Variants in PNLIPRP3 observed in about 807,000 individuals in gnomAD.
PNLIPRP3 encodes the protein pancreatic lipase-related protein 3.
Under a neutral mutation model 52.8 loss-of-function variants are expected in PNLIPRP3, and 58 were observed. The ratio of observed to expected loss-of-function variants is 1.10; its 90% CI spans 0.89 to 1.37. The LOEUF is 1.37. Ranked by LOEUF, PNLIPRP3 falls within the 40% of genes most tolerant of loss-of-function variation. PNLIPRP3 has a pLI of 0.00. For missense variants in PNLIPRP3, 593 were observed against 561.6 expected (o/e 1.06, Z -0.57); for synonymous variants, 192 against 185.0 (o/e 1.04, Z -0.31).
intron 5 of PNLIPRP3, among the ~76,000 whole-genome samples, chr10:116,457,837 A>G (rs575413566): frequency 6.6e-6 from 1 of 152,306 alleles, no homozygotes; most frequent in Admixed American, 6.5e-5. Flanking sequence ...ATTTAACTCT[A>G]GTTTTTCCCA....
rs772840300 is a variant in PNLIPRP3, at chr10:116,436,723, G to T, written c.62G>T (p.Cys21Phe). ...CTTTCTGCTGCAGGAAAAGAAGTTT[G>T]CTATGAAAGGTTAGGGTGTTTCAAA... ...FFGTSRGKEV[C>F]YERLGCFKDG... The change falls in exon 2 of 12, where the codon TGC becomes TTC. Residue 21 changes from cysteine (C) to phenylalanine (F), a missense_variant. Transcript: ENST00000369230. 25 of 1,608,858 alleles carry T rather than the reference G, an allele frequency of 1.6e-5. No homozygotes were observed. Among genetic ancestry groups the T allele is most frequent in the Non-Finnish European group, 1.9e-5 (22 of 1,177,004 alleles).
intron 1 of PNLIPRP3, among the ~76,000 whole-genome samples, chr10:116,429,312 A>T (rs1845677717): frequency 6.6e-6 from 1 of 152,190 alleles, no homozygotes; most frequent in Non-Finnish European, 1.5e-5. Flanking sequence ...TATTGTGTAT[A>T]TGCAAACATT....
At chr10:116,448,292 A>G (rs546126134) in intron 4 of PNLIPRP3, among the ~76,000 whole-genome samples, 54 of 152,334 alleles carry the variant, frequency 3.5e-4, no homozygotes, top group Admixed American at 9.1e-4. Flanking sequence ...TGATGTGAAC[A>G]AGTAAAAGTG....
chr10:116,440,594 G>C (rs1395349835), intron 2 of PNLIPRP3, among the ~76,000 whole-genome samples: 1 of 152,136 alleles, frequency 6.6e-6, no homozygotes, highest in Non-Finnish European at 1.5e-5. Flanking sequence ...AAACAAATCA[G>C]AAATTAACTC....
chr10:116,459,287 A>C (rs185507314), intron 5 of PNLIPRP3, among the ~76,000 whole-genome samples: 1 of 151,866 alleles, frequency 6.6e-6, no homozygotes, highest in Non-Finnish European at 1.5e-5. Context: ...AAAATAAAAA[A>C]AAAAAAAAAC....
chr10:116,469,815 G>A (rs1846337798), intron 9 of PNLIPRP3, among the ~76,000 whole-genome samples: 1 of 152,076 alleles, frequency 6.6e-6, no homozygotes, highest in Non-Finnish European at 1.5e-5. Context: ...GGAGAGGTTG[G>A]GCTTTGTCTG....
At chr10:116,439,089 T>C (rs1845820945) in intron 2 of PNLIPRP3, among the ~76,000 whole-genome samples, 1 of 152,188 alleles carries the variant, frequency 6.6e-6, no homozygotes, top group African/African-American at 2.4e-5. Context: ...AAAACAGTTC[T>C]GGAGAAAGAT....
At chr10:116,439,587 T>C in intron 2 of PNLIPRP3, 2 of 805,406 alleles carry the variant, frequency 2.5e-6, no homozygotes, top group Non-Finnish European at 4.3e-6. Context: ...AGCAACATCC[T>C]TCTCATACTT....
intron 2 of PNLIPRP3, among the ~76,000 whole-genome samples, chr10:116,442,155 A>C: frequency 6.6e-6 from 1 of 152,220 alleles, no homozygotes; most frequent in East Asian, 1.9e-4. Context: ...AGAATTGCTT[A>C]TACTTGTGCC....
intron 7 of PNLIPRP3, among the ~76,000 whole-genome samples, chr10:116,462,768 A>C (rs1301670579): frequency 6.6e-6 from 1 of 152,206 alleles, no homozygotes; most frequent in Non-Finnish European, 1.5e-5. Flanking sequence ...AGACTTCATT[A>C]CATAATTAAT....
At chr10:116,469,161 T>C (rs1285264718) in intron 8 of PNLIPRP3, 24 bp from the exon 9 acceptor site, 1 of 1,603,652 alleles carries the variant, frequency 6.2e-7, no homozygotes. Context: ...ACATAAGTAA[T>C]CACCTTTCAT....
rs987526613 is a variant in PNLIPRP3 at position 116,427,916 on chromosome 10, T to A, written c.-97T>A. The A allele has an allele frequency of 3.4e-5, 30 of 875,340 alleles. No homozygotes were observed. The highest frequency in any genetic ancestry group is 1.9e-6 in the Non-Finnish European group (1 of 521,592). 54.2% of individuals were successfully genotyped at this position (875,340 alleles called of 1,614,324 possible). ...CGTAGAGTTTAAACATTGAGTTGCATCATTGTGAGGAAAACCACTTAGTAT... is the reference window on the plus strand; with the variant it reads ...CGTAGAGTTTAAACATTGAGTTGCAACATTGTGAGGAAAACCACTTAGTAT... On this transcript the variant is annotated 5_prime_UTR_variant, in exon 1 of 12. Coordinates refer to ENST00000369230, the MANE Select transcript of PNLIPRP3 (RefSeq NM_001011709.3).
chr10:116,431,420 C>T (rs888592446), intron 1 of PNLIPRP3, among the ~76,000 whole-genome samples: 1 of 152,070 alleles, frequency 6.6e-6, no homozygotes, highest in Non-Finnish European at 1.5e-5. Flanking sequence ...CCTATTCAAA[C>T]TCCTGGGGGC....
chr10:116,443,346 T>C (rs1160720361), intron 3 of PNLIPRP3, among the ~76,000 whole-genome samples, 172 bp downstream of exon 3: 4 of 152,176 alleles, frequency 2.6e-5, no homozygotes, highest in Non-Finnish European at 5.9e-5. Context: ...ATTTTTATTA[T>C]AAATTGCACA....
chr10:116,476,621 GC>G (rs758060134), intron 10 of PNLIPRP3, 30 bp from the exon 11 acceptor site: 5 of 1,522,774 alleles, frequency 3.3e-6, no homozygotes, highest in Non-Finnish European at 4.4e-6. Context: ...AATACCCAGT[GC>G]AAACTTACGA....
chr10:116,459,899 C>G (rs1277403994), intron 5 of PNLIPRP3, among the ~76,000 whole-genome samples: 1 of 152,216 alleles, frequency 6.6e-6, no homozygotes, highest in Non-Finnish European at 1.5e-5. Flanking sequence ...TCCCAAGTAG[C>G]TGGCGTTACA....
At chr10:116,476,916 T>C in intron 11 of PNLIPRP3, 97 bp downstream of exon 11, 1 of 1,324,242 alleles carries the variant, frequency 7.6e-7, no homozygotes, top group South Asian at 1.5e-5. Context: ...AGCATAAAAA[T>C]TTATAGACTT....
At chr10:116,476,389 T>C (rs369396777) in intron 10 of PNLIPRP3, among the ~76,000 whole-genome samples, 1 of 152,186 alleles carries the variant, frequency 6.6e-6, no homozygotes, top group Non-Finnish European at 1.5e-5. Context: ...GATCTTTCAC[T>C]ATGGAGAAAT....
chr10:116,457,753 T>C (rs1277869303), intron 5 of PNLIPRP3, among the ~76,000 whole-genome samples: 2 of 152,222 alleles, frequency 1.3e-5, no homozygotes, highest in African/African-American at 4.8e-5. Context: ...ATAACTGCAT[T>C]TACAATTCAT....
Sources: allele counts gnomAD v4.1 joint callset (sites outside exome capture counted in the v4.1 genomes callset), GRCh38; gene constraint gnomAD v4.1.1; transcripts MANE v1.5; gene names NCBI Gene and HGNC (gene_info 2026-07-23, HGNC 2026-07-21).